FARP2: variants seen among roughly 807,000 people sequenced by gnomAD.
The protein encoded by FARP2 is FERM, ARHGEF and pleckstrin domain-containing protein 2.
In FARP2, 111 loss-of-function variants were observed where a neutral mutation model predicts 130.5. That is an observed-to-expected ratio of 0.85 (90% CI 0.73 to 1.00). FARP2 has a LOEUF of 1.00. Ranked by LOEUF, FARP2 falls within the 50% of genes least tolerant of loss-of-function variation. The pLI is 0.00. For missense variants in FARP2, 1,385 were observed against 1,346.3 expected (o/e 1.03, Z -0.45); for synonymous variants, 504 against 516.9 (o/e 0.98, Z 0.34).
At position 241,450,640 on chromosome 2, in the gene FARP2, C is replaced by T. The variant is rs562325755; in HGVS notation, c.1412-6107C>T. Among the ~76,000 whole-genome samples, 34 of 151,608 alleles carry T rather than the reference C, an allele frequency of 2.2e-4. 3 individuals are homozygous for T. The highest frequency in any genetic ancestry group is 2.0e-3 in the Admixed American group (31 of 15,230). On this transcript the variant is annotated intron_variant, in intron 13 of 26. Coordinates refer to ENST00000264042, the MANE Select transcript of FARP2 (RefSeq NM_014808.4). ...GAGATTGAGCCACTGCAATTGCACT[C>T]CAGCCTGGGAGACAGAGCGAGACTC...
At chr2:241,368,436 G>A (rs566135193) in intron 1 of FARP2, among the ~76,000 whole-genome samples, 4 of 152,228 alleles carry the variant, frequency 2.6e-5, no homozygotes, top group South Asian at 2.1e-4. Flanking sequence ...TGGCCTTGCC[G>A]TGTTCCTAGT....
intron 1 of FARP2, among the ~76,000 whole-genome samples, chr2:241,370,793 C>T (rs1466961788): frequency 6.6e-6 from 1 of 152,162 alleles, no homozygotes; most frequent in Non-Finnish European, 1.5e-5. Context: ...TGTACCAGTT[C>T]ATGTTTTTTG....
At chr2:241,428,075 G>A (rs889864463) in intron 8 of FARP2, among the ~76,000 whole-genome samples, 1 of 151,870 alleles carries the variant, frequency 6.6e-6, no homozygotes, top group East Asian at 1.9e-4. Flanking sequence ...CTAGGCCCTC[G>A]GTTTTTTAAG....
chr2:241,476,972 T>C (rs1349186739), intron 19 of FARP2, among the ~76,000 whole-genome samples: 2 of 152,162 alleles, frequency 1.3e-5, no homozygotes, highest in Non-Finnish European at 2.9e-5. Context: ...GACCTCGTTC[T>C]GCTCCCTAAC....
At chr2:241,417,901 A>C in intron 7 of FARP2, 61 bp from the exon 8 acceptor site, 1 of 1,578,002 alleles carries the variant, frequency 6.3e-7, no homozygotes, top group Non-Finnish European at 8.7e-7. Context: ...TCTATAATGC[A>C]TTTTGGCTCT....
intron 13 of FARP2, among the ~76,000 whole-genome samples, chr2:241,453,344 T>C (rs28446330): frequency 0.11 from 16,210 of 148,206 alleles, 951 homozygotes; most frequent in African/African-American, 0.14. Context: ...TATTTGTGGC[T>C]GGGCGCGGTG....
Position 241,484,255 on chromosome 2 carries a change from T to C in FARP2, c.2345T>C (p.Leu782Ser), listed in dbSNP as rs758322683. ...GCTGCTTCTCAGTTCTCAGATATGT[T>C]GCTGTACACAAGCAAAGGAGTTGCA... is the stretch of plus-strand genomic sequence containing the variant. ...QRMFFLFSDM[L>S]LYTSKGVAGT... Residue 782 changes from leucine (L) to serine (S), a missense_variant, in exon 21 of 27, where the codon TTG becomes TCG. Transcript: ENST00000264042. 10 of 1,614,138 alleles carry C rather than the reference T, an allele frequency of 6.2e-6. No homozygotes were observed. The highest frequency in any genetic ancestry group is 8.5e-6 in the Non-Finnish European group (10 of 1,179,956).
In FARP2 at chr2:241,386,142, G is replaced by C. The variant is rs924138367; in HGVS notation, c.183+12852G>C. On this transcript the variant is annotated intron_variant, in intron 2 of 26. Transcript: ENST00000264042. ...GGGTCTTGCTCTGTAACCCAGGCTT[G>C]AGTGCAGTAGCATGATCATAGCTCA... 6.6e-5 allele frequency among the ~76,000 whole-genome samples: 10 copies of C among 152,252 alleles called. No individual in the cohort carries two copies. The East Asian group carries it at 1.9e-3, about 29-fold the overall frequency.
intron 13 of FARP2, among the ~76,000 whole-genome samples, chr2:241,452,900 C>T (rs1415255251): frequency 6.8e-6 from 1 of 147,962 alleles, no homozygotes; most frequent in East Asian, 2.0e-4. Flanking sequence ...GAGATCATGC[C>T]ATTGCACTCC....
chr2:241,468,407 G>A (rs776595588), intron 18 of FARP2, 30 bp downstream of exon 18: 1 of 1,553,696 alleles, frequency 6.4e-7, no homozygotes, highest in Non-Finnish European at 8.9e-7. Flanking sequence ...TGCATCTCAA[G>A]GATCAGCGTG....
intron 14 of FARP2, 66 bp downstream of exon 14, chr2:241,456,988 C>A (rs967017410): frequency 7.1e-7 from 1 of 1,415,684 alleles, no homozygotes; most frequent in African/African-American, 1.4e-5. Context: ...ACTGTTCCTT[C>A]GGGTGGTGCT....
rs781708577 is a variant in FARP2, at chr2:241,490,000, T to C, written c.2460T>C (p.Cys820=). ...ATAACGAGTGGTCTGTTCCACACTGTTTCACCATCTACGCGGCTCAGAAAA... is the reference window on the plus strand; with the variant it reads ...ATAACGAGTGGTCTGTTCCACACTGCTTCACCATCTACGCGGCTCAGAAAA... The part of the protein sequence containing the change: ...ESDNEWSVPH[C]FTIYAAQKTI... The change falls in exon 22 of 27, where the codon TGT becomes TGC. Residue 820 remains cysteine, a synonymous_variant. Transcript: ENST00000264042. 2 of 1,614,012 alleles carry C rather than the reference T, an allele frequency of 1.2e-6. No individual in the cohort carries two copies. The highest frequency in any genetic ancestry group is 1.7e-6 in the Non-Finnish European group (2 of 1,179,882).
intron 20 of FARP2, 153 bp downstream of exon 20, chr2:241,483,686 G>C: frequency 1.3e-6 from 1 of 751,386 alleles, no homozygotes. Context: ...GAGTCAGACA[G>C]GGCCAGGGGA....
intron 2 of FARP2, among the ~76,000 whole-genome samples, chr2:241,374,918 G>A (rs1258909588): frequency 6.6e-6 from 1 of 152,124 alleles, no homozygotes; most frequent in Non-Finnish European, 1.5e-5. Flanking sequence ...TAGGAAATAG[G>A]TTAAAGTCTG....
chr2:241,376,633 C>T (rs538403133), intron 2 of FARP2, among the ~76,000 whole-genome samples: 7 of 152,264 alleles, frequency 4.6e-5, no homozygotes, highest in Non-Finnish European at 1.0e-4. Flanking sequence ...CCCGAGCCCA[C>T]CATCACTGTC....
chr2:241,379,191 A>G (rs2061605853), intron 2 of FARP2, among the ~76,000 whole-genome samples: 1 of 152,232 alleles, frequency 6.6e-6, no homozygotes, highest in Non-Finnish European at 1.5e-5. Context: ...GATGTCTAGA[A>G]CAATTATACT....
At chr2:241,392,599 C>T (rs1214010771) in intron 2 of FARP2, among the ~76,000 whole-genome samples, 1 of 152,104 alleles carries the variant, frequency 6.6e-6, no homozygotes, top group African/African-American at 2.4e-5. Context: ...GATGAAGTGC[C>T]TGGGGATTCA....
At chr2:241,382,015 A>G (rs1342329075) in intron 2 of FARP2, among the ~76,000 whole-genome samples, 1 of 152,176 alleles carries the variant, frequency 6.6e-6, no homozygotes, top group Non-Finnish European at 1.5e-5. Context: ...GGTTTTCATT[A>G]TACCATTAAT....
intron 2 of FARP2, among the ~76,000 whole-genome samples, chr2:241,401,326 A>G (rs917317561): frequency 6.6e-6 from 1 of 152,208 alleles, no homozygotes; most frequent in Admixed American, 6.5e-5. Flanking sequence ...TTGAGATGTT[A>G]TAGAAGTGAA....
Sources: gnomAD v4.1 joint callset for allele counts (sites outside exome capture counted in the v4.1 genomes callset) on GRCh38, gnomAD v4.1.1 for gene constraint, MANE v1.5 for transcripts, NCBI Gene and HGNC (gene_info 2026-07-23, HGNC 2026-07-21) for gene names.